FYN: variants seen among roughly 807,000 people sequenced by gnomAD.
FYN encodes tyrosine-protein kinase Fyn.
In FYN, 10 loss-of-function variants were observed where a neutral mutation model predicts 70.2. That is an observed-to-expected ratio of 0.14 (90% confidence interval 0.09 to 0.24). The LOEUF is 0.24. Ranked by LOEUF, FYN falls within the 10% of genes least tolerant of loss-of-function variation. The probability of loss-of-function intolerance (pLI) is 1.00; values close to 1 mark genes in which losing one functional copy is unlikely to be tolerated. For synonymous variants in FYN, 236 were observed against 248.6 expected (o/e 0.95, Z 0.48); for missense variants, 319 against 673.1 (o/e 0.47, Z 5.82).
intron 3 of FYN, among the ~76,000 whole-genome samples, chr6:111,737,400 C>A (rs1032706501): frequency 2.0e-5 from 3 of 152,358 alleles, no homozygotes; most frequent in Non-Finnish European, 1.5e-5. Context: ...GGGATCTCCA[C>A]AACCCCCTCC....
chr6:111,709,654 T>A (rs1800274588), intron 5 of FYN, among the ~76,000 whole-genome samples: 1 of 152,262 alleles, frequency 6.6e-6, no homozygotes, highest in African/African-American at 2.4e-5. Flanking sequence ...ATTTAGTTCA[T>A]GTCTAGATTT....
intron 1 of FYN, among the ~76,000 whole-genome samples, chr6:111,852,190 T>C (rs1464772886): frequency 6.6e-6 from 1 of 152,218 alleles, no homozygotes; most frequent in East Asian, 1.9e-4. Flanking sequence ...TGTATTCAGA[T>C]ATACAAAGCA....
chr6:111,784,864 C>A (rs114392218), intron 2 of FYN, among the ~76,000 whole-genome samples: 1 of 152,200 alleles, frequency 6.6e-6, no homozygotes, highest in Non-Finnish European at 1.5e-5. Flanking sequence ...GTATTTTATA[C>A]GTATCACTGG....
In FYN at chr6:111,873,099, G is replaced by A. The variant is rs1265047137; in HGVS notation, c.-254C>T. The stretch of plus-strand genomic sequence containing the variant: ...TGGGCCTTCCGAGAGCACCGAGGGG[G>A]CGGCGCCGGGGTGTCCCCGGCCCGG... On this transcript the variant is annotated 5_prime_UTR_variant, in exon 1 of 14. Coordinates refer to ENST00000354650, the MANE Select transcript of FYN (RefSeq NM_002037.5). 1 of 147,218 alleles carries A rather than the reference G, an allele frequency of 6.8e-6. No individual in the cohort carries two copies. Among genetic ancestry groups the A allele is most frequent in the Non-Finnish European group, 1.5e-5 (1 of 66,062 alleles). 9.1% of individuals were successfully genotyped at this position (147,218 alleles called of 1,614,324 possible).
intron 2 of FYN, among the ~76,000 whole-genome samples, chr6:111,843,913 C>T (rs1773440989): frequency 6.6e-6 from 1 of 152,030 alleles, no homozygotes; most frequent in African/African-American, 2.4e-5. Flanking sequence ...AGGAAGAGCT[C>T]TCTAAAAAGT....
chr6:111,759,261 T>C (rs1383750373), intron 3 of FYN: 2 of 152,174 alleles, frequency 1.3e-5, no homozygotes, highest in African/African-American at 4.8e-5. Context: ...TACAATATAG[T>C]AGGTTCTCAA....
At chr6:111,670,268 G>A (rs1180739410) in intron 13 of FYN, among the ~76,000 whole-genome samples, 1 of 152,088 alleles carries the variant, frequency 6.6e-6, no homozygotes, top group Non-Finnish European at 1.5e-5. Flanking sequence ...GATTCTGGAG[G>A]GTCTCTGCAC....
chr6:111,867,634 A>C (rs1037933089), intron 1 of FYN, among the ~76,000 whole-genome samples: 4 of 151,654 alleles, frequency 2.6e-5, no homozygotes, highest in African/African-American at 9.7e-5. Flanking sequence ...CTAATTTCCC[A>C]GAGAAATTCT....
intron 2 of FYN, among the ~76,000 whole-genome samples, chr6:111,814,695 AT>A (rs201012588): frequency 0.024 from 3,644 of 152,336 alleles, 60 homozygotes; most frequent in Non-Finnish European, 0.04. Flanking sequence ...TATTTTAAAA[AT>A]ATCTATTTGG....
chr6:111,752,809 AG>A (rs1802546267), intron 3 of FYN, among the ~76,000 whole-genome samples: 1 of 150,542 alleles, frequency 6.6e-6, no homozygotes, highest in Non-Finnish European at 1.5e-5. Context: ...GAAAGATGCT[AG>A]GAAGAAGTTT....
At chr6:111,829,311 T>G (rs1369376714) in intron 2 of FYN, among the ~76,000 whole-genome samples, 1 of 152,196 alleles carries the variant, frequency 6.6e-6, no homozygotes, top group Non-Finnish European at 1.5e-5. Context: ...GGGCCTCTGA[T>G]TTCTCACCTG....
intron 3 of FYN, among the ~76,000 whole-genome samples, chr6:111,756,977 C>T (rs940481341): frequency 2.6e-5 from 4 of 151,970 alleles, no homozygotes; most frequent in African/African-American, 9.7e-5. Flanking sequence ...ATCCCCTGTG[C>T]TATTTCCTGC....
Position 111,728,938 on chromosome 6 carries a change from G to C in FYN, c.-11-8876C>G, listed in dbSNP as rs146325569. Among the ~76,000 whole-genome samples, 1,018 of 152,144 alleles carry C rather than the reference G, an allele frequency of 6.7e-3. 7 individuals are homozygous for C. The highest frequency in any genetic ancestry group is 0.02 in the Middle Eastern group (6 of 294). On this transcript the variant is annotated intron_variant, in intron 3 of 13. Transcript: ENST00000354650. ...AAACATATATTGGCAACAAAAAAAG[G>C]AAAAACAATTTGTGAAACATATGGG...
chr6:111,848,675 C>T (rs1463374963), intron 1 of FYN, among the ~76,000 whole-genome samples: 1 of 152,158 alleles, frequency 6.6e-6, no homozygotes, highest in Non-Finnish European at 1.5e-5. Context: ...GAGAGCGGCT[C>T]CACTGTTTCC....
chr6:111,664,699 T>C (rs1303560901), intron 13 of FYN, among the ~76,000 whole-genome samples: 1 of 152,024 alleles, frequency 6.6e-6, no homozygotes, highest in Non-Finnish European at 1.5e-5. Context: ...AGGCTCCTTC[T>C]CGCTCTCCCC....
chr6:111,725,750 C>A (rs1052476366), intron 3 of FYN, among the ~76,000 whole-genome samples: 1 of 152,204 alleles, frequency 6.6e-6, no homozygotes, highest in African/African-American at 2.4e-5. Context: ...AAATATGTGC[C>A]TTGCTAAATG....
intron 3 of FYN, among the ~76,000 whole-genome samples, chr6:111,723,842 T>C (rs1401959358): frequency 2.0e-5 from 3 of 152,224 alleles, no homozygotes; most frequent in Non-Finnish European, 4.4e-5. Context: ...TATAGATCTC[T>C]GGGGCACCGG....
chr6:111,720,929 CAGCATCCTGAGA>C (rs2128462814), intron 3 of FYN, among the ~76,000 whole-genome samples: 1 of 152,268 alleles, frequency 6.6e-6, no homozygotes, highest in South Asian at 2.1e-4. Context: ...TTGCTCCAGT[CAGCATCCTGAGA>C]AGCATCCTCA....
chr6:111,763,505 T>C (rs1803089863), intron 3 of FYN, among the ~76,000 whole-genome samples: 1 of 152,230 alleles, frequency 6.6e-6, no homozygotes. Context: ...AATAGCTTGT[T>C]TGTCTTGTCC....
Sources: gnomAD v4.1 joint callset for allele counts (sites outside exome capture counted in the v4.1 genomes callset) on GRCh38, gnomAD v4.1.1 for gene constraint, MANE v1.5 for transcripts, NCBI Gene and HGNC (gene_info 2026-07-23, HGNC 2026-07-21) for gene names.